The following FBXO15 variants were observed in gnomAD, a reference collection of about 807,000 sequenced individuals.
FBXO15 encodes the protein F-box protein 15.
A neutral mutation model predicts 49.5 loss-of-function variants in FBXO15; 30 were observed. That is an observed-to-expected ratio of 0.61 (90% CI 0.45 to 0.82). FBXO15 has a LOEUF of 0.82. Ranked by LOEUF, FBXO15 falls within the 40% of genes least tolerant of loss-of-function variation. The pLI, the probability that FBXO15 is intolerant of heterozygous loss-of-function variation, is 0.00. For synonymous variants in FBXO15, 250 were observed against 232.7 expected (o/e 1.07, Z -0.68); for missense variants, 591 against 631.5 (o/e 0.94, Z 0.69).
chr18:74,078,529 C>T (rs1029369380), intron 9 of FBXO15: 1 of 152,922 alleles, frequency 6.5e-6, no homozygotes, highest in Non-Finnish European at 1.5e-5. Context: ...CCTTATTTCC[C>T]ATCCTGTCCG....
At chr18:74,090,708 TTTGAG>T (rs1353211064) in intron 8 of FBXO15, among the ~76,000 whole-genome samples, 2 of 152,210 alleles carry the variant, frequency 1.3e-5, no homozygotes, top group Admixed American at 6.5e-5. Flanking sequence ...ATTGTATGGT[TTTGAG>T]TTATTTTCTT....
rs200549733 is a variant in FBXO15, at chr18:74,126,110, G to C, written c.786-9C>G. The C allele has an allele frequency of 6.2e-7, 1 of 1,612,986 alleles. No individual in the cohort carries two copies. The highest frequency in any genetic ancestry group is 8.5e-7 in the Non-Finnish European group (1 of 1,179,342). On this transcript the variant is annotated splice_polypyrimidine_tract_variant and intron_variant, in intron 5 of 9. Transcript: ENST00000419743. ...AAGAATGCCATCGGAGTCTTTGAACGTTATGCCAAGGAAAGGAGAGAGAGA... is the reference window on the plus strand; with the variant it reads ...AAGAATGCCATCGGAGTCTTTGAACCTTATGCCAAGGAAAGGAGAGAGAGA...
At chr18:74,087,606 G>A (rs181957604) in intron 8 of FBXO15, among the ~76,000 whole-genome samples, 21 of 152,328 alleles carry the variant, frequency 1.4e-4, no homozygotes, top group African/African-American at 5.1e-4. Flanking sequence ...ATTTTATCCA[G>A]TCTACCACTG....
intron 6 of FBXO15, 131 bp from the exon 7 acceptor site, chr18:74,124,702 G>GT (rs1914630538): frequency 7.0e-6 from 5 of 718,288 alleles, no homozygotes; most frequent in Non-Finnish European, 1.2e-5. Context: ...GATCACCACA[G>GT]TGCTAATGCA....
At chr18:74,115,996 A>T (rs932307002) in intron 8 of FBXO15, among the ~76,000 whole-genome samples, 3 of 152,272 alleles carry the variant, frequency 2.0e-5, no homozygotes, top group Admixed American at 6.5e-5. Flanking sequence ...AAAACTTAAG[A>T]CCTGGATGGT....
chr18:74,082,608 G>A (rs1275829869), intron 8 of FBXO15, among the ~76,000 whole-genome samples: 1 of 152,170 alleles, frequency 6.6e-6, no homozygotes, highest in Non-Finnish European at 1.5e-5. Context: ...CTCCAAGCCA[G>A]CTACTGGCAG....
intron 8 of FBXO15, among the ~76,000 whole-genome samples, chr18:74,083,553 T>C (rs1439379283): frequency 6.6e-6 from 1 of 152,212 alleles, no homozygotes; most frequent in African/African-American, 2.4e-5. Flanking sequence ...CCACACAGCT[T>C]GTCCCCAGGA....
chr18:74,088,101 A>C (rs1320463626), intron 8 of FBXO15, among the ~76,000 whole-genome samples: 1 of 152,094 alleles, frequency 6.6e-6, no homozygotes, highest in African/African-American at 2.4e-5. Flanking sequence ...CAGATGCTGG[A>C]TGTTAGACCT....
chr18:74,113,997 G>C (rs988784958), intron 8 of FBXO15, among the ~76,000 whole-genome samples: 70 of 152,304 alleles, frequency 4.6e-4, no homozygotes, highest in African/African-American at 1.7e-3. Flanking sequence ...AGATCTGCTT[G>C]CCAGCCTGGC....
chr18:74,087,196 T>C (rs1912780694), intron 8 of FBXO15, among the ~76,000 whole-genome samples: 1 of 152,244 alleles, frequency 6.6e-6, no homozygotes, highest in Non-Finnish European at 1.5e-5. Flanking sequence ...TGATGGCTGA[T>C]GACTGATCAG....
intron 9 of FBXO15, among the ~76,000 whole-genome samples, chr18:74,080,019 C>T (rs1422560620): frequency 6.6e-6 from 1 of 152,216 alleles, no homozygotes; most frequent in Non-Finnish European, 1.5e-5. Context: ...AGAAGCTCCT[C>T]ACCAGAGGTT....
rs570718994 is a variant in FBXO15, at chr18:74,125,946, C to A, written c.912+29G>T. 8 of 1,611,518 alleles carry A rather than the reference C, an allele frequency of 5.0e-6. No individual in the cohort carries two copies. The South Asian group carries it at 8.8e-5, about 18-fold the overall frequency. On this transcript the variant is annotated intron_variant, in intron 6 of 9. Transcript: ENST00000419743. ...ATGTGGTATTGTGATGGGGAAATGA[C>A]ACAGTACATACAGGGACTCAAGTCT... is the stretch of plus-strand genomic sequence containing the variant.
At chr18:74,099,495 C>A (rs926263470) in intron 8 of FBXO15, 2 of 151,964 alleles carry the variant, frequency 1.3e-5, no homozygotes, top group African/African-American at 4.8e-5. Flanking sequence ...CTCACAGGAC[C>A]TATAAAACAA....
chr18:74,124,760 T>C (rs1228425110), intron 6 of FBXO15, among the ~76,000 whole-genome samples, 189 bp from the exon 7 acceptor site: 1 of 152,214 alleles, frequency 6.6e-6, no homozygotes, highest in Non-Finnish European at 1.5e-5. Flanking sequence ...TTATATTTCA[T>C]ATTGACAGCA....
intron 8 of FBXO15, among the ~76,000 whole-genome samples, chr18:74,117,449 T>C (rs1914280321): frequency 6.6e-6 from 1 of 152,068 alleles, no homozygotes; most frequent in Admixed American, 6.6e-5. Flanking sequence ...GCCAAAACTT[T>C]GGAAATACAC....
intron 8 of FBXO15, among the ~76,000 whole-genome samples, chr18:74,119,719 C>T (rs1468464119): frequency 6.6e-6 from 1 of 152,084 alleles, no homozygotes; most frequent in Non-Finnish European, 1.5e-5. Context: ...GAGAGGAACT[C>T]ACTAAAGCTG....
chr18:74,129,347 C>T (rs1978310232), intron 5 of FBXO15, 58 bp downstream of exon 5: 2 of 1,435,296 alleles, frequency 1.4e-6, no homozygotes, highest in African/African-American at 1.4e-5. Context: ...AAAGTAATGC[C>T]AACTAATATT....
At chr18:74,095,589 A>G (rs1330720404) in intron 8 of FBXO15, among the ~76,000 whole-genome samples, 1 of 152,232 alleles carries the variant, frequency 6.6e-6, no homozygotes, top group African/African-American at 2.4e-5. Flanking sequence ...GAGGTGCCCC[A>G]AAACAGTTAC....
chr18:74,116,521 C>G (rs1269194768), intron 8 of FBXO15, among the ~76,000 whole-genome samples: 1 of 152,206 alleles, frequency 6.6e-6, no homozygotes, highest in Non-Finnish European at 1.5e-5. Context: ...AATTCTGGCT[C>G]TATTAATAAA....
Sources: gnomAD v4.1 joint callset for allele counts (sites outside exome capture counted in the v4.1 genomes callset) on GRCh38, gnomAD v4.1.1 for gene constraint, MANE v1.5 for transcripts, NCBI Gene and HGNC (gene_info 2026-07-23, HGNC 2026-07-21) for gene names.